PRRT1: variants seen among roughly 807,000 people sequenced by gnomAD.
The protein encoded by PRRT1 is proline rich transmembrane protein 1.
PRRT1 carries 8 observed loss-of-function variants against 22.6 expected under a neutral mutation model. The ratio of observed to expected loss-of-function variants is 0.35; its 90% CI spans 0.21 to 0.64. PRRT1 has a LOEUF of 0.64. Ranked by LOEUF, PRRT1 falls within the 30% of genes least tolerant of loss-of-function variation. PRRT1 has a pLI of 0.69. For missense variants in PRRT1, 315 were observed against 444.5 expected, an observed-to-expected ratio of 0.71 and a Z score of 2.62; for synonymous variants, 176 against 203.6, an observed-to-expected ratio of 0.86 and a Z score of 1.15.
chr6:32,150,509 C>T lies in PRRT1; in HGVS notation c.417G>A (p.Gln139=), dbSNP rs112610022. The part of the protein sequence containing the change: ...AAAPPPPAPA[Q]TAQAPGFVVP... ...CCACGAAGCCAGGGGCCTGGGCAGT[C>T]TGGGCTGGCGCCGGCGGGGGCGGGG... is the stretch of plus-strand genomic sequence containing the variant. Residue 139 remains glutamine (Q), a synonymous_variant, in exon 2 of 4, where the codon CAG becomes CAA. Transcript: ENST00000211413. The surrounding 1 kb of genome is among the most constrained non-coding windows in gnomAD (Gnocchi z 7.2). The T allele has an allele frequency of 1.1e-5, 15 of 1,423,182 alleles. No homozygotes were observed. The East Asian group carries it at 4.0e-4, about 38-fold the overall frequency. The allele number at this position is 1,423,182 out of a possible 1,614,324, so 88.2% of individuals were successfully genotyped here. A position where few individuals can be genotyped will look rare whatever the true frequency, so the allele number is the denominator to read the frequency against.
In PRRT1 at chr6:32,150,678, C is replaced by T; in HGVS notation, c.248G>A (p.Arg83Lys). ...RGPSSSATLP[R>K]PPHHAPPGPA... ...GCCGGGAGGGGCGTGGTGGGGGGGC[C>T]TCGGCAGCGTGGCAGAGGAGGAGGG... Residue 83 changes from arginine to lysine, a missense_variant, in exon 2 of 4, where the codon AGG becomes AAG. Arg to Lys is a conservative substitution (Grantham distance 26). Around this residue, in one of 4 missense-constraint regions of PRRT1, gnomAD observed 263 missense variants for 328.5 expected, o/e 0.80. Transcript: ENST00000211413. This position sits in a 1 kb window ranked among gnomAD's most constrained non-coding sequence, Gnocchi z 7.2. The T allele has an allele frequency of 7.0e-7, 1 of 1,430,096 alleles. No individual in the cohort carries two copies. Among genetic ancestry groups the T allele is most frequent in the Non-Finnish European group, 9.1e-7 (1 of 1,097,382 alleles). The allele number at this position is 1,430,096 out of a possible 1,614,324, so 88.6% of individuals were successfully genotyped here. A position where few individuals can be genotyped will look rare whatever the true frequency, so the allele number is the denominator to read the frequency against.
upstream of PRRT1, chr6:32,151,984 A>AGGGGGG: frequency 1.3e-5 from 1 of 76,798 alleles, no homozygotes; most frequent in Non-Finnish European, 2.5e-5. Flanking sequence ...GGGCGGAGGG[A>AGGGGGG]GAGCGGGGAG....
Position 32,149,746 on chromosome 6 carries a change from A to T in PRRT1, c.559-24T>A. On this transcript the variant is annotated intron_variant, in intron 2 of 3. Coordinates refer to ENST00000211413, the MANE Select transcript of PRRT1 (RefSeq NM_030651.4). This position sits in a 1 kb window ranked among gnomAD's most constrained non-coding sequence, Gnocchi z 8.7. ...GGCTGTGGAAGGAAATTTGGGGGGC[A>T]GGGGCATCACTCTGACCCTCTCCCA... 1 of 1,495,204 alleles carries T rather than the reference A, an allele frequency of 6.7e-7. No individual in the cohort carries two copies. The highest frequency in any genetic ancestry group is 9.0e-7 in the Non-Finnish European group (1 of 1,112,080). 92.6% of individuals were successfully genotyped at this position (1,495,204 alleles called of 1,614,324 possible). A position where few individuals can be genotyped will look rare whatever the true frequency, so the allele number is the denominator to read the frequency against.
chr6:32,151,998 G>GT, upstream of PRRT1: 1 of 376,816 alleles, frequency 2.7e-6, no homozygotes, highest in Non-Finnish European at 5.3e-6. Context: ...CGGGGAGGGG[G>GT]GGAGCTTAAA....
Position 32,149,199 on chromosome 6 carries a change from G to A in PRRT1, c.*23C>T. 6.2e-7 allele frequency: 1 copy of A among 1,609,818 alleles called. No homozygotes were observed. The highest frequency in any genetic ancestry group is 8.5e-7 in the Non-Finnish European group (1 of 1,178,978). On this transcript the variant is annotated 3_prime_UTR_variant, in exon 4 of 4. Transcript: ENST00000211413. This position sits in a 1 kb window ranked among gnomAD's most constrained non-coding sequence, Gnocchi z 8.7. ...AGCCTGGGAGATCGAGGGGCGCAGAGTGGGGCCGGACCAGGGGCGTTTTTA... is the reference window on the plus strand; with the variant it reads ...AGCCTGGGAGATCGAGGGGCGCAGAATGGGGCCGGACCAGGGGCGTTTTTA...
At chr6:32,152,505 G>C (rs1783390184), upstream of PRRT1, among the ~76,000 whole-genome samples, 1 of 152,132 alleles carries the variant, frequency 6.6e-6, no homozygotes, top group South Asian at 2.1e-4. Context: ...TGTAAATCAG[G>C]GGGAGCTGGG....
In PRRT1 at chr6:32,151,837, C is replaced by T; in HGVS notation, c.-10G>A. ...ACTTTTCGGATGACATGCCTGCGGT[C>T]TCGCTGGGACAGGGTCCCTGCAGCC... On this transcript the variant is annotated 5_prime_UTR_variant, in exon 1 of 4. Transcript: ENST00000211413. 6.2e-7 allele frequency: 1 copy of T among 1,610,432 alleles called. No individual in the cohort carries two copies. The highest frequency in any genetic ancestry group is 8.5e-7 in the Non-Finnish European group (1 of 1,179,152).
chr6:32,151,951 C>CGGGGGGGGGGGGGGGGGGGGGG, upstream of PRRT1: 11 of 214,882 alleles, frequency 5.1e-5, no homozygotes, highest in South Asian at 5.7e-5. Flanking sequence ...AAGGCAGCGG[C>CGGGGGGGGGGGGGGGGGGGGGG]GGGGGGGGGG....
In PRRT1 at chr6:32,149,472, T is replaced by C; in HGVS notation, c.744+65A>G. ...CGAACGCCTCAGCCTTTCTCTAAGA[T>C]GGTCCCCAGAACGCCCAGAACTCCC... On this transcript the variant is annotated intron_variant, in intron 3 of 3. Transcript: ENST00000211413. This position sits in a 1 kb window ranked among gnomAD's most constrained non-coding sequence, Gnocchi z 8.7. The C allele has an allele frequency of 1.2e-6, 2 of 1,605,052 alleles. No homozygotes were observed. The highest frequency in any genetic ancestry group is 1.7e-4 in the Middle Eastern group (1 of 6,040).
At chr6:32,151,977 C>CGGGGG, upstream of PRRT1, 3 of 88,766 alleles carry the variant, frequency 3.4e-5, no homozygotes, top group South Asian at 5.1e-5. Context: ...GGGGGGCGGG[C>CGGGGG]GGAGGGAGAG....
chr6:32,151,628 AG>A, intron 1 of PRRT1, 180 bp downstream of exon 1: 1 of 605,146 alleles, frequency 1.7e-6, no homozygotes, highest in Non-Finnish European at 3.0e-6. Flanking sequence ...CACTGGAAAG[AG>A]GAAAGGAAGA....
chr6:32,151,973 C>CGGG, upstream of PRRT1: 1 of 84,030 alleles, frequency 1.2e-5, no homozygotes. Flanking sequence ...GCGGGGGGGG[C>CGGG]GGGCGGAGGG....
chr6:32,152,158 C>G, upstream of PRRT1: 2 of 669,280 alleles, frequency 3.0e-6, no homozygotes, highest in Non-Finnish European at 5.6e-6. Flanking sequence ...GAGGCTAGAC[C>G]AGGCGAGGCG....
At position 32,149,186 on chromosome 6, in the gene PRRT1, C is replaced by G. The variant is rs1358529622; in HGVS notation, c.*36G>C. The G allele has an allele frequency of 6.2e-7, 1 of 1,605,260 alleles. No individual in the cohort carries two copies. ...TGACTGCAGAAAGAGCCTGGGAGAT[C>G]GAGGGGCGCAGAGTGGGGCCGGACC... On this transcript the variant is annotated 3_prime_UTR_variant, in exon 4 of 4. Transcript: ENST00000211413. This position sits in a 1 kb window ranked among gnomAD's most constrained non-coding sequence, Gnocchi z 8.7.
chr6:32,150,544 C>G lies in PRRT1; in HGVS notation c.382G>C (p.Ala128Pro). ...GCCGGCGGGGGCGGGGCGGCGGCAG[C>G]GGGCGGCGGCGGGGGAAGTGGGCCC... ...FEGPLPPPPPAAAAPPPPAPA... is the reference protein window; with the variant it reads ...FEGPLPPPPPPAAAPPPPAPA... The change falls in exon 2 of 4, where the codon GCT becomes CCT. Residue 128 changes from alanine (A) to proline (P), a missense_variant. Physicochemically the swap from Ala to Pro is conservative, Grantham distance 27 (BLOSUM62 -1). Transcript: ENST00000211413. The surrounding 1 kb of genome is among the most constrained non-coding windows in gnomAD (Gnocchi z 7.2). 1 of 1,361,538 alleles carries G rather than the reference C, an allele frequency of 7.3e-7. No homozygotes were observed. The highest frequency in any genetic ancestry group is 9.4e-7 in the Non-Finnish European group (1 of 1,059,826). 84.3% of individuals were successfully genotyped at this position (1,361,538 alleles called of 1,614,324 possible). A position where few individuals can be genotyped will look rare whatever the true frequency, so the allele number is the denominator to read the frequency against.
upstream of PRRT1, chr6:32,152,138 T>G: frequency 1.5e-6 from 1 of 683,304 alleles, no homozygotes; most frequent in East Asian, 3.0e-5. Context: ...GGAGTTGTCA[T>G]GGAAACACGG....
At chr6:32,152,050 A>G (rs781560950), upstream of PRRT1, 1 of 700,360 alleles carries the variant, frequency 1.4e-6, no homozygotes, top group South Asian at 1.5e-5. Context: ...GATGTTTCCC[A>G]CTCGGTCTCT....
upstream of PRRT1, chr6:32,151,977 C>CGGGGGGGGGGGGGGGGGGGGGGGGGGGG: frequency 1.1e-5 from 1 of 88,772 alleles, no homozygotes; most frequent in Non-Finnish European, 2.1e-5. Context: ...GGGGGGCGGG[C>CGGGGGGGGGGGGGGGGGGGGGGGGGGGG]GGAGGGAGAG....
Position 32,149,144 on chromosome 6 carries a change from C to T in PRRT1, c.*78G>A. 6.8e-7 allele frequency: 1 copy of T among 1,468,156 alleles called. No individual in the cohort carries two copies. Among genetic ancestry groups the T allele is most frequent in the South Asian group, 1.2e-5 (1 of 84,556 alleles). 90.9% of individuals were successfully genotyped at this position (1,468,156 alleles called of 1,614,324 possible). Reference sequence around the variant, plus strand: ...CCCCAGAAACGGGTGTGCAGGGCGCCCATTGGGTCCGCGGTATGACTGCAG... The same window carrying T: ...CCCCAGAAACGGGTGTGCAGGGCGCTCATTGGGTCCGCGGTATGACTGCAG... On this transcript the variant is annotated 3_prime_UTR_variant, in exon 4 of 4. Coordinates refer to ENST00000211413, the MANE Select transcript of PRRT1 (RefSeq NM_030651.4). This position sits in a 1 kb window ranked among gnomAD's most constrained non-coding sequence, Gnocchi z 8.7.
Sources: allele counts gnomAD v4.1 joint callset (sites outside exome capture counted in the v4.1 genomes callset), GRCh38; gene constraint gnomAD v4.1.1; regional missense constraint gnomAD v4.1.1; non-coding constraint Gnocchi (gnomAD v3.1); transcripts MANE v1.5; gene names NCBI Gene and HGNC (gene_info 2026-07-23, HGNC 2026-07-21).